Variants in NCOR2 observed in about 807,000 individuals in gnomAD.
The protein encoded by NCOR2 is CTG repeat protein 26.
Under a neutral mutation model 262.9 loss-of-function variants are expected in NCOR2, and 81 were observed. The ratio of observed to expected loss-of-function variants is 0.31; its 90% CI spans 0.26 to 0.37. The LOEUF (loss-of-function observed/expected upper bound fraction) is 0.37. Ranked by LOEUF, NCOR2 falls within the 10% of genes least tolerant of loss-of-function variation. The pLI is 1.00. For missense variants in NCOR2, 3,385 were observed against 3,621.4 expected, an observed-to-expected ratio of 0.93 and a Z score of 1.68; for synonymous variants, 1,659 against 1,559.3, an observed-to-expected ratio of 1.06 and a Z score of -1.51.
chr12:124,437,875 C>T, intron 8 of NCOR2, 55 bp downstream of exon 10: 2 of 1,547,478 alleles, frequency 1.3e-6, no homozygotes, highest in Non-Finnish European at 1.8e-6. Context: ...CCCCTGTGCG[C>T]TCGATTCTCC....
intron 1 of NCOR2, among the ~76,000 whole-genome samples, chr12:124,492,729 G>T (rs2048159938): frequency 6.6e-6 from 1 of 152,174 alleles, no homozygotes. Flanking sequence ...GGAAGGGTTT[G>T]AGGGCTGAGG....
chr12:124,348,662 G>A (rs1198841875), intron 28 of NCOR2: 14 of 352,986 alleles, frequency 4.0e-5, no homozygotes, highest in Non-Finnish European at 5.7e-5. Context: ...TGCCGACATG[G>A]GGCGTGAACA....
At chr12:124,545,453 T>A (rs1341945621) in intron 1 of NCOR2, among the ~76,000 whole-genome samples, 2 of 152,008 alleles carry the variant, frequency 1.3e-5, no homozygotes, top group African/African-American at 4.8e-5. Context: ...TGGGTCCCCA[T>A]CAGCTTTCAG....
At chr12:124,487,776 A>G (rs576343493) in intron 1 of NCOR2, among the ~76,000 whole-genome samples, 29 of 152,192 alleles carry the variant, frequency 1.9e-4, no homozygotes, top group South Asian at 1.4e-3. Flanking sequence ...TCTTTAACAC[A>G]TTATCCATTA....
chr12:124,338,920 ACC>A, intron 37 of NCOR2, among the ~76,000 whole-genome samples: 1 of 25,480 alleles, frequency 3.9e-5, no homozygotes, highest in South Asian at 1.6e-3. Context: ...CCACCCACCC[ACC>A]CAGCTAACCC....
chr12:124,339,901 A>ATACCC, intron 37 of NCOR2, 105 bp downstream of exon 39: 3 of 186,846 alleles, frequency 1.6e-5, no homozygotes, highest in South Asian at 3.5e-5. Flanking sequence ...CTGCCCACCC[A>ATACCC]CCCACCTCCC....
intron 16 of NCOR2, among the ~76,000 whole-genome samples, chr12:124,393,327 G>A (rs1207341262): frequency 6.6e-6 from 1 of 152,128 alleles, no homozygotes; most frequent in African/African-American, 2.4e-5. Context: ...GAACATTCTC[G>A]GTCCTCAGGC....
intron 4 of NCOR2, among the ~76,000 whole-genome samples, chr12:124,470,147 C>G (rs550516209): frequency 4.4e-5 from 6 of 136,584 alleles, no homozygotes; most frequent in African/African-American, 1.7e-4. Context: ...GCCTGGGCAA[C>G]AGAGTGAGAA....
intron 1 of NCOR2, chr12:124,514,380 G>T (rs574295143): frequency 6.6e-6 from 1 of 152,408 alleles, no homozygotes; most frequent in South Asian, 2.1e-4. Context: ...ACTAAAACAA[G>T]GTGGGGACAG....
chr12:124,471,424 T>G (rs1165169717), intron 4 of NCOR2, among the ~76,000 whole-genome samples: 1 of 152,200 alleles, frequency 6.6e-6, no homozygotes, highest in Non-Finnish European at 1.5e-5. Context: ...TCAACCATTT[T>G]TAATGAGCAC....
Position 124,483,307 on chromosome 12 carries a change from G to A in NCOR2, c.411+289C>T, listed in dbSNP as rs1005320564. 6.6e-6 allele frequency among the ~76,000 whole-genome samples: 1 copy of A among 151,626 alleles called. No homozygotes were observed. The highest frequency in any genetic ancestry group is 6.6e-5 in the Admixed American group (1 of 15,230). On this transcript the variant is annotated intron_variant, in intron 3 of 46. Coordinates refer to ENST00000405201, the Ensembl canonical transcript of NCOR2. The surrounding 1 kb of genome is among the most constrained non-coding windows in gnomAD (Gnocchi z 6.3). ...CCATCCCAGCTCTCCCCTCCCTCAC[G>A]CCAGCTACCCCGTGACCACAAGCCT...
intron 17 of NCOR2, among the ~76,000 whole-genome samples, chr12:124,380,602 C>A (rs776703549): frequency 6.6e-6 from 1 of 152,184 alleles, no homozygotes; most frequent in Non-Finnish European, 1.5e-5. Flanking sequence ...GCCGAGGGCT[C>A]CCCCTGCTTC....
chr12:124,385,721 G>C, intron 17 of NCOR2, 24 bp downstream of exon 19: 1 of 1,611,294 alleles, frequency 6.2e-7, no homozygotes, highest in Non-Finnish European at 8.5e-7. Context: ...CCAGAGGCGC[G>C]GTGCAGCGTG....
chr12:124,545,686 C>T (rs2051519977), intron 1 of NCOR2, among the ~76,000 whole-genome samples: 1 of 152,170 alleles, frequency 6.6e-6, no homozygotes. Flanking sequence ...GAGCAAGAAA[C>T]GCAGCAGAAA....
At position 124,403,487 on chromosome 12, in the gene NCOR2, C is replaced by G. The variant is rs527864524; in HGVS notation, c.1483-926G>C. 8.5e-5 allele frequency among the ~76,000 whole-genome samples: 13 copies of G among 152,204 alleles called. No individual in the cohort carries two copies. In the South Asian group the frequency reaches 2.7e-3, roughly 32 times the overall value. ...ACCGCCTCCCGATTTCCTGTCATCC[C>G]GCCTGATTTCTTTTAAAGCACACAC... On this transcript the variant is annotated intron_variant, in intron 13 of 46. Coordinates refer to ENST00000405201, the Ensembl canonical transcript of NCOR2.
At chr12:124,433,001 A>G (rs1391954476) in intron 8 of NCOR2, among the ~76,000 whole-genome samples, 2 of 152,132 alleles carry the variant, frequency 1.3e-5, no homozygotes, top group East Asian at 3.9e-4. Context: ...GCTTCGGTAC[A>G]GTCAGAAAGC....
chr12:124,552,318 C>CAA (rs112872214), intron 1 of NCOR2, among the ~76,000 whole-genome samples: 4 of 142,344 alleles, frequency 2.8e-5, no homozygotes, highest in African/African-American at 1.0e-4. Flanking sequence ...GACCCTGTCT[C>CAA]AAAAAAAAAA....
chr12:124,470,991 G>A (rs531748256), intron 4 of NCOR2, among the ~76,000 whole-genome samples: 5 of 152,334 alleles, frequency 3.3e-5, no homozygotes, highest in African/African-American at 9.6e-5. Context: ...TGCGGTACCA[G>A]GCTGGCCCTG....
At chr12:124,430,901 G>A (rs1012405539) in intron 8 of NCOR2, 114 bp from the exon 11 acceptor site, 1 of 1,275,898 alleles carries the variant, frequency 7.8e-7, no homozygotes, top group Non-Finnish European at 1.1e-6. Flanking sequence ...CACACACAAA[G>A]TCACACAGGC....
Sources: allele counts gnomAD v4.1 joint callset (sites outside exome capture counted in the v4.1 genomes callset), GRCh38; gene constraint gnomAD v4.1.1; non-coding constraint Gnocchi (gnomAD v3.1); transcripts MANE v1.5; gene names NCBI Gene and HGNC (gene_info 2026-07-23, HGNC 2026-07-21).